Variants in PTPRD observed in about 807,000 individuals in gnomAD.
PTPRD encodes protein tyrosine phosphatase receptor type D, also known as receptor-type tyrosine-protein phosphatase delta.
A neutral mutation model predicts 214.5 loss-of-function variants in PTPRD; 34 were observed. That is an observed-to-expected ratio of 0.16 (90% confidence interval 0.12 to 0.21). The LOEUF is 0.21. PTPRD is among the 10% of genes least tolerant of loss of function. PTPRD has a pLI of 1.00. For missense variants in PTPRD, 2,545 were observed against 2,398.7 expected, an observed-to-expected ratio of 1.06 and a Z score of -1.27; for synonymous variants, 1,128 against 845.7, an observed-to-expected ratio of 1.33 and a Z score of -5.79.
intron 5 of PTPRD, among the ~76,000 whole-genome samples, chr9:9,928,753 T>TACACACACACACACACA (rs1259839394): frequency 1.1e-3 from 109 of 101,762 alleles, no homozygotes; most frequent in African/African-American, 8.6e-3. Flanking sequence ...CATCTCTCTC[T>TACACACACACACACACA]CTATACACAC....
chr9:9,412,668 C>T (rs997612964), intron 8 of PTPRD, among the ~76,000 whole-genome samples: 1 of 152,102 alleles, frequency 6.6e-6, no homozygotes, highest in Non-Finnish European at 1.5e-5. Flanking sequence ...CACCTCTCTT[C>T]GCTCTATTAA....
intron 3 of PTPRD, among the ~76,000 whole-genome samples, chr9:10,106,277 T>C (rs1463487497): frequency 6.6e-6 from 1 of 151,918 alleles, no homozygotes; most frequent in Non-Finnish European, 1.5e-5. Context: ...GACATTTTGA[T>C]GTCAAAGATA....
At chr9:8,331,065 T>TAAC (rs1840167628) in intron 44 of PTPRD, among the ~76,000 whole-genome samples, 2 of 151,676 alleles carry the variant, frequency 1.3e-5, no homozygotes, top group African/African-American at 2.4e-5. Context: ...TTGAAAATAA[T>TAAC]TAACTTGAAG....
intron 4 of PTPRD, among the ~76,000 whole-genome samples, chr9:9,938,884 G>C (rs575265813): frequency 2.0e-5 from 3 of 151,904 alleles, no homozygotes; most frequent in African/African-American, 7.3e-5. Context: ...CTATCCATTT[G>C]GTATAAGTAA....
chr9:9,889,219 T>A (rs1416423318), intron 5 of PTPRD, among the ~76,000 whole-genome samples: 1 of 152,122 alleles, frequency 6.6e-6, no homozygotes, highest in Non-Finnish European at 1.5e-5. Flanking sequence ...TATATAATAG[T>A]TAGCAATATA....
At chr9:9,125,871 C>T (rs545718991) in intron 10 of PTPRD, among the ~76,000 whole-genome samples, 1 of 152,290 alleles carries the variant, frequency 6.6e-6, no homozygotes, top group African/African-American at 2.4e-5. Context: ...GCTGTGATGA[C>T]TTTACTGAGG....
intron 8 of PTPRD, among the ~76,000 whole-genome samples, chr9:9,486,548 T>G (rs1477727742): frequency 6.6e-6 from 1 of 152,100 alleles, no homozygotes; most frequent in Non-Finnish European, 1.5e-5. Flanking sequence ...GCCTTCTTAG[T>G]TTTTCTTTTC....
intron 2 of PTPRD, among the ~76,000 whole-genome samples, chr9:10,487,966 G>GTCTCTCTCAC (rs2099143585): frequency 9.1e-6 from 1 of 110,270 alleles, no homozygotes; most frequent in Non-Finnish European, 1.8e-5. Context: ...AATGAACACA[G>GTCTCTCTCAC]TCTCTCTCTC....
rs556691517 is a variant in PTPRD, at chr9:8,662,362, G to C, written c.65-25518C>G. Among the ~76,000 whole-genome samples, 3 of 152,304 alleles carry C rather than the reference G, an allele frequency of 2.0e-5. No individual in the cohort carries two copies. In the South Asian group the frequency reaches 6.2e-4, roughly 32 times the overall value. On this transcript the variant is annotated intron_variant, in intron 12 of 45. Transcript: ENST00000381196. ...TCAGACTCCAAGAACAGGATGACAA[G>C]AGAATGCTTGAGGAAGAACACCAAT... is the stretch of plus-strand genomic sequence containing the variant.
chr9:9,712,985 T>G (rs1057343675), intron 7 of PTPRD, among the ~76,000 whole-genome samples: 6 of 152,232 alleles, frequency 3.9e-5, no homozygotes, highest in Admixed American at 6.6e-5. Flanking sequence ...TCGCTAATCT[T>G]GTCCAGTTTA....
rs146859431 is a variant in PTPRD, at chr9:9,184,006, C to T, written c.-202-643G>A. 4.1e-3 allele frequency among the ~76,000 whole-genome samples: 624 copies of T among 152,138 alleles called. 4 individuals carry two copies. The highest frequency in any genetic ancestry group is 0.014 in the African/African-American group (565 of 41,544). On this transcript the variant is annotated intron_variant, in intron 9 of 45. Transcript: ENST00000381196. ...TAATTTGTACAAGATTTGAAGTCTA[C>T]CTTAATGATTCATTTTTGTATTGTT...
intron 11 of PTPRD, among the ~76,000 whole-genome samples, chr9:8,792,933 C>T (rs1184294625): frequency 2.0e-5 from 3 of 152,170 alleles, no homozygotes; most frequent in African/African-American, 7.2e-5. Context: ...AATGCTCTCA[C>T]ATCCATCATT....
chr9:10,188,405 G>A (rs377521345), intron 3 of PTPRD, among the ~76,000 whole-genome samples: 4 of 152,014 alleles, frequency 2.6e-5, no homozygotes, highest in Non-Finnish European at 4.4e-5. Context: ...ATCAGTTTTT[G>A]AATTCCACTT....
Position 8,789,091 on chromosome 9 carries a change from C to T in PTPRD, c.-103-55145G>A, listed in dbSNP as rs574825394. Reference sequence around the variant, plus strand: ...TAAGAAGCATTTGCTTAGAGGAAGCCAGTTGACTGCCTGAAGGATGACTCC... The same window carrying T: ...TAAGAAGCATTTGCTTAGAGGAAGCTAGTTGACTGCCTGAAGGATGACTCC... On this transcript the variant is annotated intron_variant, in intron 11 of 45. Coordinates refer to ENST00000381196, the MANE Select transcript of PTPRD (RefSeq NM_002839.4). 1.6e-4 allele frequency among the ~76,000 whole-genome samples: 24 copies of T among 152,188 alleles called. No individual in the cohort carries two copies. The South Asian group carries it at 5.0e-3, about 32-fold the overall frequency.
intron 11 of PTPRD, among the ~76,000 whole-genome samples, chr9:8,958,206 T>C (rs79006517): frequency 0.15 from 22,099 of 151,900 alleles, 2,170 homozygotes; most frequent in Non-Finnish European, 0.22. Context: ...GTTATGTATC[T>C]GGAGACTCAT....
chr9:9,773,467 C>T (rs191760191), intron 5 of PTPRD, among the ~76,000 whole-genome samples: 1 of 152,146 alleles, frequency 6.6e-6, no homozygotes, highest in African/African-American at 2.4e-5. Flanking sequence ...CTTCCCCTTT[C>T]TCATTTGGAG....
intron 2 of PTPRD, among the ~76,000 whole-genome samples, chr9:10,407,851 AT>A (rs944266616): frequency 1.3e-5 from 2 of 151,140 alleles, no homozygotes; most frequent in Non-Finnish European, 3.0e-5. Flanking sequence ...AAATGTTTCA[AT>A]TTTTTTTTAA....
chr9:10,110,755 CT>C (rs2098683610), intron 3 of PTPRD, among the ~76,000 whole-genome samples: 1 of 152,146 alleles, frequency 6.6e-6, no homozygotes, highest in Non-Finnish European at 1.5e-5. Flanking sequence ...ACAGAAATAG[CT>C]CCTGGCTAAT....
chr9:10,112,619 G>A (rs1423957268), intron 3 of PTPRD, among the ~76,000 whole-genome samples: 1 of 152,122 alleles, frequency 6.6e-6, no homozygotes, highest in Non-Finnish European at 1.5e-5. Context: ...CGTGGAGGAG[G>A]CAGACTTCTC....
Sources: allele counts gnomAD v4.1 joint callset (sites outside exome capture counted in the v4.1 genomes callset), GRCh38; gene constraint gnomAD v4.1.1; transcripts MANE v1.5; gene names NCBI Gene and HGNC (gene_info 2026-07-23, HGNC 2026-07-21).